The following PCGF3 variants were observed in gnomAD, a reference collection of about 807,000 sequenced individuals.
PCGF3 encodes polycomb group RING finger protein 3.
A neutral mutation model predicts 33.1 loss-of-function variants in PCGF3; 7 were observed. The ratio of observed to expected loss-of-function variants is 0.21; its 90% confidence interval spans 0.12 to 0.40. The LOEUF is 0.40. Ranked by LOEUF, PCGF3 falls within the 10% of genes least tolerant of loss-of-function variation. The pLI is 1.00. For missense variants in PCGF3, 211 were observed against 313.3 expected (o/e 0.67, Z 2.46); for synonymous variants, 153 against 121.3 (o/e 1.26, Z -1.72).
At chr4:740,836 T>C (rs1256189989) in intron 6 of PCGF3, among the ~76,000 whole-genome samples, 2 of 152,212 alleles carry the variant, frequency 1.3e-5, no homozygotes, top group African/African-American at 4.8e-5. Context: ...AGCCCGTCCG[T>C]GGTGCAGCTG....
At position 737,336 on chromosome 4, in the gene PCGF3, A is replaced by T. The variant is rs149278327; in HGVS notation, c.207-130A>T. On this transcript the variant is annotated intron_variant, in intron 5 of 10. Transcript: ENST00000362003. ...TTTGGTGACACATTTTTTCATGTGT[A>T]AACTAGAAGTAAAATTCCAACAAAG... The T allele has an allele frequency of 0.02, 13,179 of 673,738 alleles. 197 individuals carry two copies. The highest frequency in any genetic ancestry group is 0.032 in the Middle Eastern group (128 of 3,960). 41.7% of individuals were successfully genotyped at this position (673,738 alleles called of 1,614,324 possible). A position where few individuals can be genotyped will look rare whatever the true frequency, so the allele number is the denominator to read the frequency against.
At chr4:738,395 T>C (rs1743929745) in intron 6 of PCGF3, among the ~76,000 whole-genome samples, 1 of 152,244 alleles carries the variant, frequency 6.6e-6, no homozygotes, top group South Asian at 2.1e-4. Context: ...AGTCTTTTAA[T>C]ATCTGAAAGT....
chr4:768,967 G>A lies in PCGF3; in HGVS notation c.*2888G>A, dbSNP rs150987217. ...AGCATTTATTTTGCTAAATTGAAAG[G>A]GAACATAGATGGAATTCCAAAATAT... is the stretch of plus-strand genomic sequence containing the variant. On this transcript the variant is annotated 3_prime_UTR_variant, in exon 11 of 11. Transcript: ENST00000362003. 304 of 152,746 alleles carry A rather than the reference G, an allele frequency of 2.0e-3. 2 individuals carry two copies. Among genetic ancestry groups the A allele is most frequent in the Middle Eastern group, 0.017 (5 of 294 alleles). 9.5% of individuals were successfully genotyped at this position (152,746 alleles called of 1,614,324 possible). A position where few individuals can be genotyped will look rare whatever the true frequency, so the allele number is the denominator to read the frequency against.
At chr4:734,344 C>T (rs1743745253) in intron 4 of PCGF3, 13 of 1,433,874 alleles carry the variant, frequency 9.1e-6, no homozygotes, top group South Asian at 4.8e-5. Flanking sequence ...TGTGGACGAC[C>T]GCTGTGTGCG....
chr4:764,614 CAA>C (rs1390190175), intron 9 of PCGF3: 2 of 193,162 alleles, frequency 1.0e-5, no homozygotes, highest in East Asian at 1.5e-4. Context: ...TGGGGCCTGT[CAA>C]GAGAAAAAGG....
At chr4:753,643 CAAAAA>C (rs777114866) in intron 8 of PCGF3, among the ~76,000 whole-genome samples, 1 of 110,110 alleles carries the variant, frequency 9.1e-6, no homozygotes, top group African/African-American at 3.4e-5. Context: ...AGTCCGGTCT[CAAAAA>C]AAAAAAAAAG....
chr4:751,878 C>T (rs1039696467), intron 8 of PCGF3, among the ~76,000 whole-genome samples: 7 of 152,158 alleles, frequency 4.6e-5, no homozygotes, highest in East Asian at 1.9e-4. Flanking sequence ...CATCATCTGA[C>T]GGGCGCAGGC....
chr4:733,624 A>G (rs559299075), intron 3 of PCGF3, 48 bp from the exon 4 acceptor site: 2 of 1,553,374 alleles, frequency 1.3e-6, no homozygotes, highest in African/African-American at 1.4e-5. Context: ...CAAGGATGAA[A>G]GGCATGGAAG....
Position 749,267 on chromosome 4 carries a change from C to T in PCGF3, c.462+4579C>T, listed in dbSNP as rs373040227. On this transcript the variant is annotated intron_variant, in intron 8 of 10. Transcript: ENST00000362003. ...GCAACCTCTGCCTCCCATGTTCAAG[C>T]GATTATCCTGCCTCAGCCTCCCAAG... 2.5e-3 allele frequency among the ~76,000 whole-genome samples: 377 copies of T among 152,144 alleles called. 2 individuals carry two copies. Among genetic ancestry groups the T allele is most frequent in the Middle Eastern group, 0.01 (3 of 294 alleles).
At chr4:744,732 G>T (rs1560210394) in intron 8 of PCGF3, 44 bp downstream of exon 8, 1 of 523,206 alleles carries the variant, frequency 1.9e-6, no homozygotes, top group South Asian at 2.1e-5. Context: ...TGTTCGCCGT[G>T]GAGGCGTGAG....
intron 8 of PCGF3, among the ~76,000 whole-genome samples, chr4:761,040 A>G (rs1490375276): frequency 6.6e-6 from 1 of 152,254 alleles, no homozygotes; most frequent in Non-Finnish European, 1.5e-5. Context: ...TATTATGTTA[A>G]TAACACAGAA....
chr4:715,912 G>A lies in PCGF3; in HGVS notation c.-190+9942G>A, dbSNP rs1006022270. Reference sequence around the variant, plus strand: ...TGGACACTGAGGGTGAGAACTGGGCGTCGGTGCTGGGACCCTGTAGACACT... The same window carrying A: ...TGGACACTGAGGGTGAGAACTGGGCATCGGTGCTGGGACCCTGTAGACACT... On this transcript the variant is annotated intron_variant, in intron 1 of 10. Coordinates refer to ENST00000362003, the Ensembl canonical transcript of PCGF3. Among the ~76,000 whole-genome samples the A allele has an allele frequency of 2.5e-4, 29 of 116,574 alleles. 1 individual carries two copies. The East Asian group carries it at 5.6e-3, about 23-fold the overall frequency. The allele number at this position is 116,574 out of a possible 152,430, so 76.5% of individuals were successfully genotyped here. A position where few individuals can be genotyped will look rare whatever the true frequency, so the allele number is the denominator to read the frequency against.
chr4:726,177 T>G (rs1429181043), intron 1 of PCGF3, among the ~76,000 whole-genome samples: 2 of 152,216 alleles, frequency 1.3e-5, no homozygotes, highest in African/African-American at 4.8e-5. Context: ...TCAGCAGCCA[T>G]CTTGTCGGGT....
At chr4:740,428 CAA>C (rs912224047) in intron 6 of PCGF3, among the ~76,000 whole-genome samples, 27 of 152,180 alleles carry the variant, frequency 1.8e-4, no homozygotes, top group Non-Finnish European at 3.2e-4. Context: ...AAACATTTAT[CAA>C]AGTGTCCATT....
intron 6 of PCGF3, among the ~76,000 whole-genome samples, chr4:738,751 C>A (rs1382545862): frequency 6.6e-6 from 1 of 151,824 alleles, no homozygotes; most frequent in Non-Finnish European, 1.5e-5. Flanking sequence ...CCCAGCTACT[C>A]AGCAGGCTGA....
intron 6 of PCGF3, among the ~76,000 whole-genome samples, chr4:737,980 A>AGTAGT (rs1038673000): frequency 2.0e-5 from 3 of 152,270 alleles, no homozygotes; most frequent in African/African-American, 7.2e-5. Context: ...AGAAATACCA[A>AGTAGT]GTAGTACAAA....
intron 8 of PCGF3, among the ~76,000 whole-genome samples, chr4:759,933 A>C (rs1744950579): frequency 7.0e-6 from 1 of 143,132 alleles, no homozygotes; most frequent in Non-Finnish European, 1.5e-5. Context: ...CTCCTTCCGG[A>C]CTCCGGGTCT....
chr4:764,804 C>T (rs904962004), intron 9 of PCGF3, 180 bp from the exon 10 acceptor site: 15 of 577,344 alleles, frequency 2.6e-5, no homozygotes, highest in African/African-American at 1.7e-4. Flanking sequence ...GGACCACACT[C>T]CATCTCTAGG....
chr4:741,084 C>G (rs1234032930), intron 6 of PCGF3, among the ~76,000 whole-genome samples: 1 of 152,242 alleles, frequency 6.6e-6, no homozygotes. Context: ...CATACTGTAG[C>G]TATGCTGAGA....
Sources: allele counts gnomAD v4.1 joint callset (sites outside exome capture counted in the v4.1 genomes callset), GRCh38; gene constraint gnomAD v4.1.1; transcripts MANE v1.5; gene names NCBI Gene and HGNC (gene_info 2026-07-23, HGNC 2026-07-21).